Variants in BICC1 observed in about 807,000 individuals in gnomAD.
BICC1 encodes protein bicaudal C homolog 1.
BICC1 carries 43 observed loss-of-function variants against 111.0 expected under a neutral mutation model. That is an observed-to-expected ratio of 0.39 (90% CI 0.30 to 0.50). The LOEUF (loss-of-function observed/expected upper bound fraction) is 0.50, where lower values mean the gene tolerates loss of function less well. Ranked by LOEUF, BICC1 falls within the 20% of genes least tolerant of loss-of-function variation. BICC1 has a pLI of 0.88. For synonymous variants in BICC1, 467 were observed against 434.4 expected (o/e 1.07, Z -0.93); for missense variants, 1,091 against 1,203.2 (o/e 0.91, Z 1.38).
chr10:58,655,229 C>G (rs1435409927), intron 2 of BICC1, among the ~76,000 whole-genome samples: 1 of 147,188 alleles, frequency 6.8e-6, no homozygotes, highest in African/African-American at 2.5e-5. Context: ...GAAAGTCATT[C>G]GTAGCTTTGT....
In BICC1 at chr10:58,512,912, T is replaced by C. The variant is rs1484459953; in HGVS notation, c.-232T>C. Among the ~76,000 whole-genome samples, 1 of 146,920 alleles carries C rather than the reference T, an allele frequency of 6.8e-6. No individual in the cohort carries two copies. Among genetic ancestry groups the C allele is most frequent in the Admixed American group, 6.8e-5 (1 of 14,810 alleles). ...TGCTGGCGGGGGGCGGCGCAGCCACTGGACCCGGACCGGGGCCGCGACCCG... is the reference window on the plus strand; with the variant it reads ...TGCTGGCGGGGGGCGGCGCAGCCACCGGACCCGGACCGGGGCCGCGACCCG... On this transcript the variant is annotated 5_prime_UTR_variant, in exon 1 of 21. Coordinates refer to ENST00000373886, the MANE Select transcript of BICC1 (RefSeq NM_001080512.3).
At chr10:58,613,420 A>G (rs374825383) in intron 1 of BICC1, among the ~76,000 whole-genome samples, 1 of 152,246 alleles carries the variant, frequency 6.6e-6, no homozygotes. Flanking sequence ...ATTTTACCAC[A>G]GAGTGTAATC....
At chr10:58,560,836 A>C (rs1165511782) in intron 1 of BICC1, among the ~76,000 whole-genome samples, 2 of 151,786 alleles carry the variant, frequency 1.3e-5, no homozygotes, top group Non-Finnish European at 1.5e-5. Context: ...TCAGGAACAT[A>C]TTTTCATTTC....
At chr10:58,749,928 T>G (rs1841938596) in intron 3 of BICC1, among the ~76,000 whole-genome samples, 1 of 152,154 alleles carries the variant, frequency 6.6e-6, no homozygotes, top group Non-Finnish European at 1.5e-5. Context: ...TTTTGAAACA[T>G]GGATGCACAG....
intron 1 of BICC1, among the ~76,000 whole-genome samples, chr10:58,545,313 A>T (rs1843108695): frequency 6.6e-6 from 1 of 152,176 alleles, no homozygotes; most frequent in South Asian, 2.1e-4. Flanking sequence ...GAAAAAAAGA[A>T]ATTAGTTTCT....
chr10:58,817,161 A>G (rs985103033), intron 18 of BICC1, among the ~76,000 whole-genome samples: 5 of 152,196 alleles, frequency 3.3e-5, no homozygotes, highest in South Asian at 2.1e-4. Context: ...CTGCCATCCA[A>G]CGGAGCCTGG....
At chr10:58,662,815 G>A (rs1037010672) in intron 2 of BICC1, among the ~76,000 whole-genome samples, 1 of 152,118 alleles carries the variant, frequency 6.6e-6, no homozygotes, top group Non-Finnish European at 1.5e-5. Flanking sequence ...GAAAAGTATT[G>A]CGAGTTCTGA....
At chr10:58,780,006 G>T (rs1842843341) in intron 3 of BICC1, among the ~76,000 whole-genome samples, 1 of 152,062 alleles carries the variant, frequency 6.6e-6, no homozygotes. Context: ...ATTCCCAATG[G>T]TTGCAAAGAA....
chr10:58,553,440 A>G (rs1298352568), intron 1 of BICC1, among the ~76,000 whole-genome samples: 2 of 152,168 alleles, frequency 1.3e-5, no homozygotes, highest in African/African-American at 4.8e-5. Context: ...TCCAAAAGTC[A>G]AGGAGACAGA....
chr10:58,789,150 G>A, intron 6 of BICC1, 112 bp from the exon 7 acceptor site: 3 of 856,974 alleles, frequency 3.5e-6, no homozygotes, highest in Admixed American at 5.2e-5. Context: ...ATATCTATAA[G>A]GGCAGTTTAT....
intron 1 of BICC1, among the ~76,000 whole-genome samples, chr10:58,572,669 A>G (rs1843995966): frequency 6.6e-6 from 1 of 152,160 alleles, no homozygotes; most frequent in Middle Eastern, 3.2e-3. Context: ...TATCTCTGTC[A>G]TCTATATCTA....
At chr10:58,542,142 C>A (rs1366348371) in intron 1 of BICC1, among the ~76,000 whole-genome samples, 1 of 134,176 alleles carries the variant, frequency 7.5e-6, no homozygotes, top group Admixed American at 8.0e-5. Flanking sequence ...CAGAGCAAGA[C>A]CCTGTCTCAA....
chr10:58,772,348 C>G (rs571576725), intron 3 of BICC1, among the ~76,000 whole-genome samples: 1 of 152,072 alleles, frequency 6.6e-6, no homozygotes, highest in East Asian at 1.9e-4. Context: ...TCACTTGCCT[C>G]TATTGTTACT....
chr10:58,784,625 G>T (rs12572913), intron 3 of BICC1, among the ~76,000 whole-genome samples: 61,425 of 151,912 alleles, frequency 0.4, 13,345 homozygotes, highest in Admixed American at 0.54. Context: ...GTGAATTGAT[G>T]CACTTCAACC....
intron 2 of BICC1, among the ~76,000 whole-genome samples, chr10:58,652,004 C>T (rs769226351): frequency 6.6e-6 from 1 of 151,956 alleles, no homozygotes; most frequent in Non-Finnish European, 1.5e-5. Context: ...ATTCCAAATT[C>T]GGTAATGAAC....
rs577004070 is a variant in BICC1 at position 58,529,959 on chromosome 10, G to GT, written c.190+16637dup. Among the ~76,000 whole-genome samples, 1,387 of 147,352 alleles carry GT rather than the reference G, an allele frequency of 9.4e-3. 5 individuals are homozygous for GT. Among genetic ancestry groups the GT allele is most frequent in the South Asian group, 0.026 (120 of 4,596 alleles). Reference sequence around the variant, plus strand: ...ATGATTAGCTTTCAAGCTTGTGAAAGTTTTTTTTTTTCATTTTAAATCATT... The same window carrying GT: ...ATGATTAGCTTTCAAGCTTGTGAAAGTTTTTTTTTTTTCATTTTAAATCATT... On this transcript the variant is annotated intron_variant, in intron 1 of 20. Coordinates refer to ENST00000373886, the MANE Select transcript of BICC1 (RefSeq NM_001080512.3).
intron 9 of BICC1, 57 bp from the exon 10 acceptor site, chr10:58,796,283 C>G (rs1843350077): frequency 6.9e-7 from 1 of 1,448,374 alleles, no homozygotes; most frequent in Non-Finnish European, 9.6e-7. Context: ...TCCCCTCCCC[C>G]ATTCATTGTA....
intron 2 of BICC1, among the ~76,000 whole-genome samples, chr10:58,671,598 T>G (rs1029414975): frequency 2.6e-5 from 4 of 152,258 alleles, no homozygotes; most frequent in African/African-American, 4.8e-5. Context: ...GGGTTCCAAT[T>G]GGGACAAATT....
At position 58,743,976 on chromosome 10, in the gene BICC1, T is replaced by C. The variant is rs532181908; in HGVS notation, c.308-41025T>C. ...TTAAGCAGGTATCGAGTATCATCTT[T>C]GCTGTGAAATATTCATGCCACAAAA... On this transcript the variant is annotated intron_variant, in intron 3 of 20. Coordinates refer to ENST00000373886, the MANE Select transcript of BICC1 (RefSeq NM_001080512.3). Among the ~76,000 whole-genome samples, 5 of 152,252 alleles carry C rather than the reference T, an allele frequency of 3.3e-5. No individual in the cohort carries two copies. The South Asian group carries it at 8.3e-4, about 25-fold the overall frequency.
Sources: gnomAD v4.1 joint callset for allele counts (sites outside exome capture counted in the v4.1 genomes callset) on GRCh38, gnomAD v4.1.1 for gene constraint, MANE v1.5 for transcripts, NCBI Gene and HGNC (gene_info 2026-07-23, HGNC 2026-07-21) for gene names.